Variants in CDH4 observed in about 807,000 individuals in gnomAD.
CDH4 encodes the protein cadherin-4.
CDH4 carries 33 observed loss-of-function variants against 86.0 expected under a neutral mutation model. That is an observed-to-expected ratio of 0.38 (90% CI 0.29 to 0.51). The LOEUF is 0.51. CDH4 is among the 20% of genes least tolerant of loss of function. CDH4 has a pLI of 0.86. For missense variants in CDH4, 1,114 were observed against 1,307.4 expected, an observed-to-expected ratio of 0.85 and a Z score of 2.28; for synonymous variants, 555 against 549.4, an observed-to-expected ratio of 1.01 and a Z score of -0.14.
chr20:61,937,395 C>T lies in CDH4; in HGVS notation c.*452C>T, dbSNP rs1028276197. ...TAGTCCCAGCTCTGAAGGCATCATT[C>T]AGAAATGGGGGAGACTGTGTCTGTC... is the stretch of plus-strand genomic sequence containing the variant. On this transcript the variant is annotated 3_prime_UTR_variant, in exon 16 of 16. Coordinates refer to ENST00000614565, the MANE Select transcript of CDH4 (RefSeq NM_001794.5). The T allele has an allele frequency of 6.5e-6, 1 of 154,590 alleles. No homozygotes were observed. The highest frequency in any genetic ancestry group is 1.4e-5 in the Non-Finnish European group (1 of 69,798). 9.6% of individuals were successfully genotyped at this position (154,590 alleles called of 1,614,324 possible). A position where few individuals can be genotyped will look rare whatever the true frequency, so the allele number is the denominator to read the frequency against.
intron 7 of CDH4, 136 bp downstream of exon 7, chr20:61,874,036 A>C (rs991109147): frequency 1.1e-6 from 1 of 898,266 alleles, no homozygotes; most frequent in African/African-American, 1.7e-5. Context: ...CTCTCTTGCC[A>C]TGGGAGAGAC....
intron 2 of CDH4, among the ~76,000 whole-genome samples, chr20:61,521,828 G>GTTGCCAA (rs962902162): frequency 6.6e-6 from 1 of 152,206 alleles, no homozygotes; most frequent in Non-Finnish European, 1.5e-5. Flanking sequence ...CCCCCACTGT[G>GTTGCCAA]TTGCCAACAG....
At chr20:61,339,073 T>G (rs2084635385) in intron 2 of CDH4, among the ~76,000 whole-genome samples, 1 of 152,192 alleles carries the variant, frequency 6.6e-6, no homozygotes, top group African/African-American at 2.4e-5. Flanking sequence ...CCCCATATAT[T>G]CATGTTCTCA....
chr20:61,688,076 G>A (rs1173588097), intron 2 of CDH4, among the ~76,000 whole-genome samples: 1 of 152,110 alleles, frequency 6.6e-6, no homozygotes, highest in Non-Finnish European at 1.5e-5. Context: ...GGGTGGACAG[G>A]ATCACAGGAC....
At chr20:61,493,344 C>T (rs536063135) in intron 2 of CDH4, among the ~76,000 whole-genome samples, 3 of 152,288 alleles carry the variant, frequency 2.0e-5, no homozygotes, top group African/African-American at 7.2e-5. Flanking sequence ...TTTGGCTTCT[C>T]CTGGACAATG....
At chr20:61,660,300 C>T (rs2087239094) in intron 2 of CDH4, among the ~76,000 whole-genome samples, 2 of 152,366 alleles carry the variant, frequency 1.3e-5, no homozygotes, top group South Asian at 4.1e-4. Context: ...GCCCGCAAGG[C>T]ATCTGTTCTC....
At chr20:61,391,384 T>C (rs1269922557) in intron 2 of CDH4, among the ~76,000 whole-genome samples, 1 of 152,080 alleles carries the variant, frequency 6.6e-6, no homozygotes, top group African/African-American at 2.4e-5. Context: ...CTGGTTTTTG[T>C]GGGTGACCTG....
intron 2 of CDH4, among the ~76,000 whole-genome samples, chr20:61,438,842 T>C (rs1487887605): frequency 2.0e-5 from 3 of 151,492 alleles, no homozygotes; most frequent in African/African-American, 7.3e-5. Context: ...ATTAAATCAA[T>C]AAGATTCCCA....
intron 2 of CDH4, among the ~76,000 whole-genome samples, chr20:61,695,138 ATT>A (rs1476235948): frequency 2.0e-5 from 3 of 152,220 alleles, no homozygotes. Flanking sequence ...GTGCCTCCAG[ATT>A]GGTAATGTTG....
Position 61,933,172 on chromosome 20 carries a change from C to G in CDH4, c.2379+48C>G, listed in dbSNP as rs754945861. On this transcript the variant is annotated intron_variant, in intron 14 of 15. Transcript: ENST00000614565. ...CCTCCCCACGCGAGGCCGGCTCTCACGTGTACTAGTGTCTCAGCAGGGATT... is the reference window on the plus strand; with the variant it reads ...CCTCCCCACGCGAGGCCGGCTCTCAGGTGTACTAGTGTCTCAGCAGGGATT... 35 of 1,594,864 alleles carry G rather than the reference C, an allele frequency of 2.2e-5. 1 individual carries two copies. The East Asian group carries it at 7.6e-4, about 35-fold the overall frequency.
At chr20:61,445,184 A>G (rs150809047) in intron 2 of CDH4, among the ~76,000 whole-genome samples, 1,923 of 151,948 alleles carry the variant, frequency 0.013, 22 homozygotes, top group Middle Eastern at 0.031. Context: ...CTGGCCAGGG[A>G]TTGTATTCGA....
chr20:61,885,075 G>C (rs993773773), intron 7 of CDH4, among the ~76,000 whole-genome samples: 2 of 152,086 alleles, frequency 1.3e-5, no homozygotes, highest in East Asian at 3.9e-4. Flanking sequence ...TGCTAGAGTG[G>C]ACATAGGGTG....
intron 4 of CDH4, among the ~76,000 whole-genome samples, chr20:61,806,440 C>T (rs540429462): frequency 3.3e-5 from 5 of 152,328 alleles, no homozygotes; most frequent in Non-Finnish European, 5.9e-5. Flanking sequence ...ACAGTTTGTG[C>T]GGCCGTGCAC....
At chr20:61,594,596 A>G (rs1941370435) in intron 2 of CDH4, among the ~76,000 whole-genome samples, 2 of 152,128 alleles carry the variant, frequency 1.3e-5, no homozygotes, top group South Asian at 4.1e-4. Context: ...AACCCTAGAC[A>G]CCTGCTGCCG....
intron 2 of CDH4, among the ~76,000 whole-genome samples, chr20:61,412,921 G>C (rs1317908034): frequency 6.6e-6 from 1 of 152,194 alleles, no homozygotes; most frequent in Non-Finnish European, 1.5e-5. Flanking sequence ...GGGAGACCCT[G>C]AGGGGCTGTT....
chr20:61,766,119 G>A (rs73915398), intron 3 of CDH4, among the ~76,000 whole-genome samples: 3,425 of 151,778 alleles, frequency 0.023, 137 homozygotes, highest in African/African-American at 0.079. Flanking sequence ...CAGGCCCCTC[G>A]GTCTGGGTCC....
intron 2 of CDH4, among the ~76,000 whole-genome samples, chr20:61,650,609 C>A (rs568115138): frequency 1.3e-4 from 20 of 152,244 alleles, no homozygotes; most frequent in South Asian, 8.3e-4. Context: ...GGAGGACACA[C>A]CCTGGCATGA....
intron 2 of CDH4, among the ~76,000 whole-genome samples, chr20:61,653,005 A>G (rs2087141489): frequency 8.8e-6 from 1 of 114,268 alleles, no homozygotes; most frequent in Middle Eastern, 3.9e-3. Context: ...GCAGGGTCAT[A>G]GGACAATAGT....
At chr20:61,789,613 G>A (rs757947690) in intron 4 of CDH4, among the ~76,000 whole-genome samples, 13 of 152,338 alleles carry the variant, frequency 8.5e-5, no homozygotes, top group Middle Eastern at 3.4e-3. Flanking sequence ...GATGTGCTCC[G>A]TGTTTTCAGC....
Sources: gnomAD v4.1 joint callset for allele counts (sites outside exome capture counted in the v4.1 genomes callset) on GRCh38, gnomAD v4.1.1 for gene constraint, MANE v1.5 for transcripts, NCBI Gene and HGNC (gene_info 2026-07-23, HGNC 2026-07-21) for gene names.